UPF2: variants seen among roughly 807,000 people sequenced by gnomAD.
UPF2 encodes the protein regulator of nonsense transcripts 2.
A neutral mutation model predicts 141.4 loss-of-function variants in UPF2; 17 were observed. The observed-to-expected ratio is 0.12, with a 90% CI of 0.08 to 0.18. The LOEUF (loss-of-function observed/expected upper bound fraction) is 0.18, where lower values mean the gene tolerates loss of function less well. UPF2 is among the 10% of genes least tolerant of loss of function. The pLI is 1.00. For synonymous variants in UPF2, 540 were observed against 498.0 expected, an observed-to-expected ratio of 1.08 and a Z score of -1.12; for missense variants, 1,152 against 1,515.9, an observed-to-expected ratio of 0.76 and a Z score of 3.99.
Position 11,921,190 on chromosome 10 carries a change from C to A in UPF2, c.*108G>T. ...GTCCCAGGTTTAGATTCGCAACTCT[C>A]TAGACCGACCTGCTGAGATGTGTCC... On this transcript the variant is annotated 3_prime_UTR_variant, in exon 22 of 22. Coordinates refer to ENST00000357604, the MANE Select transcript of UPF2 (RefSeq NM_015542.4). The surrounding 1 kb of genome is among the most constrained non-coding windows in gnomAD (Gnocchi z 5.9). 1 of 1,511,318 alleles carries A rather than the reference C, an allele frequency of 6.6e-7. No individual in the cohort carries two copies. Among genetic ancestry groups the A allele is most frequent in the African/African-American group, 1.4e-5 (1 of 72,912 alleles). 93.6% of individuals were successfully genotyped at this position (1,511,318 alleles called of 1,614,324 possible). A position where few individuals can be genotyped will look rare whatever the true frequency, so the allele number is the denominator to read the frequency against.
In UPF2 at chr10:11,938,853, G is replaced by GTTTTTTTTTT. The variant is rs58106776; in HGVS notation, c.3379-2151_3379-2142dup. On this transcript the variant is annotated intron_variant, in intron 18 of 21. Coordinates refer to ENST00000357604, the MANE Select transcript of UPF2 (RefSeq NM_015542.4). ...GTGGTCTTAAGCAAGTTTTTTTTTT[G>GTTTTTTTTTT]TTTTTTTTTTTTTTTTTTTTTTTTT... 7.1e-3 allele frequency among the ~76,000 whole-genome samples: 570 copies of GTTTTTTTTTT among 79,826 alleles called. 118 individuals carry two copies. The highest frequency in any genetic ancestry group is 0.01 in the East Asian group (29 of 2,806). 52.4% of individuals were successfully genotyped at this position (79,826 alleles called of 152,430 possible). A position where few individuals can be genotyped will look rare whatever the true frequency, so the allele number is the denominator to read the frequency against.
chr10:11,941,624 T>C (rs1466925924), intron 18 of UPF2, among the ~76,000 whole-genome samples: 1 of 152,064 alleles, frequency 6.6e-6, no homozygotes, highest in Non-Finnish European at 1.5e-5. Context: ...CCCGTTTCTC[T>C]TCCCTTTCTG....
intron 11 of UPF2, among the ~76,000 whole-genome samples, chr10:11,961,576 C>T (rs1184751413): frequency 2.6e-5 from 4 of 151,920 alleles, no homozygotes; most frequent in African/African-American, 9.7e-5. Flanking sequence ...TTTAAGTGTG[C>T]AGAGGGAGAT....
intron 4 of UPF2, among the ~76,000 whole-genome samples, chr10:12,008,424 A>G (rs149047796): frequency 2.6e-4 from 40 of 151,948 alleles, no homozygotes; most frequent in Admixed American, 1.0e-3. Flanking sequence ...AGGTCAGGAG[A>G]TTGAGACCAT....
chr10:11,999,512 CAAAAAAAAA>C (rs1325502291), intron 7 of UPF2, among the ~76,000 whole-genome samples: 2 of 100,398 alleles, frequency 2.0e-5, no homozygotes, highest in African/African-American at 5.0e-5. Context: ...GACTCCATCT[CAAAAAAAAA>C]AAAAAAAAAA....
intron 11 of UPF2, among the ~76,000 whole-genome samples, chr10:11,963,051 G>A (rs1833264796): frequency 6.6e-6 from 1 of 151,676 alleles, no homozygotes; most frequent in East Asian, 1.9e-4. Context: ...ACTACGTAAG[G>A]GCAGAAACTC....
chr10:11,990,354 G>T (rs1049529398), intron 8 of UPF2, among the ~76,000 whole-genome samples: 2 of 152,182 alleles, frequency 1.3e-5, no homozygotes, highest in Non-Finnish European at 2.9e-5. Flanking sequence ...AGCTCCATGA[G>T]GAAATGCAAT....
chr10:12,025,941 A>T (rs1464661950), intron 3 of UPF2, among the ~76,000 whole-genome samples: 1 of 152,090 alleles, frequency 6.6e-6, no homozygotes, highest in African/African-American at 2.4e-5. Flanking sequence ...CTACAAGCGC[A>T]TGCCACCACA....
intron 15 of UPF2, among the ~76,000 whole-genome samples, chr10:11,950,440 T>C (rs1189740525): frequency 6.6e-6 from 1 of 152,208 alleles, no homozygotes; most frequent in Admixed American, 6.5e-5. Flanking sequence ...AGTGCACTGA[T>C]TGCGGCCGCT....
intron 4 of UPF2, 140 bp from the exon 5 acceptor site, chr10:12,004,867 C>A (rs1834010075): frequency 1.3e-6 from 1 of 744,046 alleles, no homozygotes; most frequent in Non-Finnish European, 2.1e-6. Context: ...TTAACAAGCA[C>A]ATGTGACCGT....
In UPF2 at chr10:12,014,586, G is replaced by A. The variant is rs1253236852; in HGVS notation, c.1146-402C>T. Among the ~76,000 whole-genome samples the A allele has an allele frequency of 6.6e-6, 1 of 152,068 alleles. No homozygotes were observed. The highest frequency in any genetic ancestry group is 1.5e-5 in the Non-Finnish European group (1 of 67,996). ...GAATCAATTATTCTTAAACCTCCAT[G>A]ATTTGAATCAGAAATATCATATTTA... On this transcript the variant is annotated intron_variant, in intron 3 of 21. Transcript: ENST00000357604. This position sits in a 1 kb window ranked among gnomAD's most constrained non-coding sequence, Gnocchi z 5.0.
intron 10 of UPF2, among the ~76,000 whole-genome samples, chr10:11,966,957 A>G (rs896124840): frequency 1.3e-5 from 2 of 152,390 alleles, no homozygotes; most frequent in East Asian, 1.9e-4. Flanking sequence ...ATGATAATAC[A>G]GAGAAACCAG....
chr10:12,016,186 C>T lies in UPF2; in HGVS notation c.1146-2002G>A, dbSNP rs564376228. ...TTTAATCAGAAGTTCTAATAGAACT[C>T]ATTTTGGAAGTGAAAAGTCATTTAA... On this transcript the variant is annotated intron_variant, in intron 3 of 21. Transcript: ENST00000357604. This position sits in a 1 kb window ranked among gnomAD's most constrained non-coding sequence, Gnocchi z 4.1. Among the ~76,000 whole-genome samples the T allele has an allele frequency of 6.6e-6, 1 of 152,138 alleles. No individual in the cohort carries two copies. Among genetic ancestry groups the T allele is most frequent in the Admixed American group, 6.5e-5 (1 of 15,284 alleles).
At chr10:12,011,716 C>T (rs1264241578) in intron 4 of UPF2, among the ~76,000 whole-genome samples, 5 of 151,830 alleles carry the variant, frequency 3.3e-5, no homozygotes, top group Non-Finnish European at 7.4e-5. Flanking sequence ...GAGGCTGAGA[C>T]GGACAGATCA....
chr10:11,931,304 C>A lies in UPF2; in HGVS notation c.3688+337G>T, dbSNP rs1832779404. Among the ~76,000 whole-genome samples the A allele has an allele frequency of 6.6e-6, 1 of 152,144 alleles. No individual in the cohort carries two copies. The highest frequency in any genetic ancestry group is 1.5e-5 in the Non-Finnish European group (1 of 68,026). ...ACAATGATGAAATTGCCTAATGTCA[C>A]ATTTTTTAGAATGCATCCCTGTCAT... On this transcript the variant is annotated intron_variant, in intron 20 of 21. Transcript: ENST00000357604. This position sits in a 1 kb window ranked among gnomAD's most constrained non-coding sequence, Gnocchi z 5.9.
At chr10:11,934,472 G>A (rs942208474) in intron 19 of UPF2, among the ~76,000 whole-genome samples, 7 of 152,222 alleles carry the variant, frequency 4.6e-5, no homozygotes, top group Admixed American at 2.0e-4. Context: ...AGGCAAGGCC[G>A]GACGATGGCA....
chr10:11,987,167 G>T (rs1324430967), intron 8 of UPF2, among the ~76,000 whole-genome samples: 1 of 152,202 alleles, frequency 6.6e-6, no homozygotes, highest in African/African-American at 2.4e-5. Flanking sequence ...GGACACATAT[G>T]TATACTTTAG....
intron 21 of UPF2, among the ~76,000 whole-genome samples, chr10:11,926,524 C>A (rs145979095): frequency 6.6e-6 from 1 of 152,150 alleles, no homozygotes; most frequent in Non-Finnish European, 1.5e-5. Context: ...CCACAGTGAT[C>A]GCGGGAAGGG....
intron 3 of UPF2, among the ~76,000 whole-genome samples, chr10:12,025,132 A>G (rs536113946): frequency 2.6e-5 from 4 of 152,176 alleles, no homozygotes; most frequent in East Asian, 1.9e-4. Context: ...GTGGCTGCTC[A>G]AGTTGAAGCT....
Sources: gnomAD v4.1 joint callset for allele counts (sites outside exome capture counted in the v4.1 genomes callset) on GRCh38, gnomAD v4.1.1 for gene constraint, Gnocchi (gnomAD v3.1) non-coding constraint, MANE v1.5 for transcripts, NCBI Gene and HGNC (gene_info 2026-07-23, HGNC 2026-07-21) for gene names.